Variants in ARHGEF12 observed in about 807,000 individuals in gnomAD.
ARHGEF12 encodes the protein KMT2A/ARHGEF12 fusion protein.
ARHGEF12 carries 66 observed loss-of-function variants against 211.2 expected under a neutral mutation model. The ratio of observed to expected loss-of-function variants is 0.31; its 90% confidence interval spans 0.26 to 0.38. ARHGEF12 has a LOEUF of 0.38. Ranked by LOEUF, ARHGEF12 falls within the 10% of genes least tolerant of loss-of-function variation. The pLI is 1.00. For missense variants in ARHGEF12, 1,429 were observed against 1,869.5 expected (o/e 0.76, Z 4.34); for synonymous variants, 592 against 638.4 (o/e 0.93, Z 1.09).
chr11:120,445,548 C>T, intron 16 of ARHGEF12, 84 bp downstream of exon 16: 1 of 1,311,196 alleles, frequency 7.6e-7, no homozygotes, highest in East Asian at 2.3e-5. Context: ...TTATCTGTCA[C>T]ATGGTGACTA....
At chr11:120,420,604 G>C in intron 4 of ARHGEF12, 149 bp from the exon 5 acceptor site, 1 of 615,900 alleles carries the variant, frequency 1.6e-6, no homozygotes, top group Non-Finnish European at 2.8e-6. Flanking sequence ...TGTTGATGGT[G>C]GTTAGTGTTC....
intron 4 of ARHGEF12, among the ~76,000 whole-genome samples, chr11:120,416,534 A>T (rs1591563105): frequency 6.6e-6 from 1 of 152,190 alleles, no homozygotes; most frequent in Non-Finnish European, 1.5e-5. Flanking sequence ...GCTGTCTCTC[A>T]TCTTCTAAAG....
chr11:120,365,761 C>T (rs1426286666), intron 1 of ARHGEF12: 1 of 152,128 alleles, frequency 6.6e-6, no homozygotes, highest in African/African-American at 2.4e-5. Flanking sequence ...GACTCCCCAA[C>T]CAGTTTATTT....
chr11:120,485,630 C>T lies in ARHGEF12; in HGVS notation c.*553C>T. The T allele has an allele frequency of 8.5e-6, 2 of 235,558 alleles. No individual in the cohort carries two copies. The highest frequency in any genetic ancestry group is 1.7e-5 in the Non-Finnish European group (2 of 119,342). 14.6% of individuals were successfully genotyped at this position (235,558 alleles called of 1,614,324 possible). On this transcript the variant is annotated 3_prime_UTR_variant, in exon 41 of 41. Transcript: ENST00000397843. ...AGACGGGGAAGGGAGGAGCACCTTGCTTCACTATACAGTATTCCAAGCTCT... is the reference window on the plus strand; with the variant it reads ...AGACGGGGAAGGGAGGAGCACCTTGTTTCACTATACAGTATTCCAAGCTCT...
At chr11:120,352,087 T>C (rs530596663) in intron 1 of ARHGEF12, among the ~76,000 whole-genome samples, 91 of 152,306 alleles carry the variant, frequency 6.0e-4, no homozygotes, top group African/African-American at 5.3e-4. Flanking sequence ...ATTAAAGAGT[T>C]GCCTTCACAT....
intron 1 of ARHGEF12, among the ~76,000 whole-genome samples, chr11:120,399,686 G>A (rs1192325994): frequency 6.6e-6 from 1 of 152,056 alleles, no homozygotes; most frequent in Admixed American, 6.5e-5. Context: ...TTGGCACACA[G>A]TAAGACATAT....
At chr11:120,371,218 G>T (rs928411909) in intron 1 of ARHGEF12, among the ~76,000 whole-genome samples, 1 of 152,198 alleles carries the variant, frequency 6.6e-6, no homozygotes, top group Non-Finnish European at 1.5e-5. Flanking sequence ...GCTGGGTGCG[G>T]TGGCTCATGC....
chr11:120,451,864 T>C, intron 22 of ARHGEF12, 140 bp downstream of exon 22: 1 of 777,490 alleles, frequency 1.3e-6, no homozygotes, highest in Non-Finnish European at 2.0e-6. Flanking sequence ...CTACAACCAA[T>C]AAGAAATCTA....
intron 4 of ARHGEF12, chr11:120,411,223 CT>C (rs1944871449): frequency 2.0e-5 from 3 of 152,256 alleles, no homozygotes; most frequent in Admixed American, 2.0e-4. Flanking sequence ...TTGGAAGGAA[CT>C]GAGTCCACAA....
At position 120,488,265 on chromosome 11, in the gene ARHGEF12, C is replaced by G. The variant is rs192116903; in HGVS notation, c.*3188C>G. The G allele has an allele frequency of 1.6e-3, 347 of 215,676 alleles. 1 individual carries two copies. The highest frequency in any genetic ancestry group is 7.3e-3 in the African/African-American group (324 of 44,478). The allele number at this position is 215,676 out of a possible 1,614,324, so 13.4% of individuals were successfully genotyped here. ...TATTTCAAAGTGGAAGCTTTCTTCT[C>G]TGAAGTCGATATATGGTTTTGAATT... On this transcript the variant is annotated 3_prime_UTR_variant, in exon 41 of 41. Transcript: ENST00000397843.
intron 11 of ARHGEF12, among the ~76,000 whole-genome samples, chr11:120,436,944 A>G (rs1187164743): frequency 6.6e-6 from 1 of 151,894 alleles, no homozygotes; most frequent in Non-Finnish European, 1.5e-5. Flanking sequence ...TTTAGCTTGG[A>G]TAGAAAGGAT....
intron 4 of ARHGEF12, among the ~76,000 whole-genome samples, chr11:120,420,095 T>C (rs545343020): frequency 2.0e-5 from 3 of 152,254 alleles, no homozygotes; most frequent in African/African-American, 7.2e-5. Context: ...ATGAAAGAGA[T>C]GAAGGAACTG....
intron 36 of ARHGEF12, 139 bp downstream of exon 36, chr11:120,477,665 G>A (rs978699735): frequency 1.5e-6 from 1 of 683,818 alleles, no homozygotes; most frequent in Non-Finnish European, 2.4e-6. Context: ...AGGAGTTAGA[G>A]GCCAACCTGA....
At chr11:120,347,266 CTG>C (rs1403212586) in intron 1 of ARHGEF12, among the ~76,000 whole-genome samples, 3,544 of 133,544 alleles carry the variant, frequency 0.027, 74 homozygotes, top group South Asian at 0.049. Flanking sequence ...CTCTCTCTCT[CTG>C]TCTGTGTGTG....
At chr11:120,388,794 T>C (rs1391405149) in intron 1 of ARHGEF12, among the ~76,000 whole-genome samples, 1 of 152,174 alleles carries the variant, frequency 6.6e-6, no homozygotes, top group East Asian at 1.9e-4. Context: ...TTGTTTTTAA[T>C]TGAGCTTTTA....
At position 120,481,363 on chromosome 11, in the gene ARHGEF12, T is replaced by C. The variant is rs1385142890; in HGVS notation, c.4341T>C (p.Ala1447=). 4.3e-6 allele frequency: 7 copies of C among 1,614,092 alleles called. No homozygotes were observed. The highest frequency in any genetic ancestry group is 1.3e-5 in the African/African-American group (1 of 74,936). ...TGCAGCCCATGACAGGCATCCCTGC[T>C]GTGGAATCCACCCACCAGCAGCAAC... ...LTLQPMTGIP[A]VESTHQQQHS... is the part of the protein sequence containing the mutation. The change falls in exon 39 of 41, where the codon GCT becomes GCC. Residue 1447 remains alanine, a synonymous_variant. Coordinates refer to ENST00000397843, the MANE Select transcript of ARHGEF12 (RefSeq NM_015313.3).
rs140386854 is a variant in ARHGEF12, at chr11:120,421,787, T to C, written c.299-16T>C. On this transcript the variant is annotated splice_polypyrimidine_tract_variant and intron_variant, in intron 5 of 40. Coordinates refer to ENST00000397843, the MANE Select transcript of ARHGEF12 (RefSeq NM_015313.3). Reference sequence around the variant, plus strand: ...TGCAAATGAATCACATTTTAAGCAATTAATTTCTCATACAGATGGAGCAGC... The same window carrying C: ...TGCAAATGAATCACATTTTAAGCAACTAATTTCTCATACAGATGGAGCAGC... 1,704 of 1,609,040 alleles carry C rather than the reference T, an allele frequency of 1.1e-3. 21 individuals carry two copies. In the Admixed American group the frequency reaches 0.022, roughly 21 times the overall value.
At chr11:120,348,784 C>A (rs553766546) in intron 1 of ARHGEF12, among the ~76,000 whole-genome samples, 2 of 151,758 alleles carry the variant, frequency 1.3e-5, no homozygotes, top group Non-Finnish European at 1.5e-5. Flanking sequence ...GAGGTTCAAG[C>A]GAGCCAAGAT....
At chr11:120,385,065 T>TAA (rs964105218) in intron 1 of ARHGEF12, among the ~76,000 whole-genome samples, 3 of 152,138 alleles carry the variant, frequency 2.0e-5, no homozygotes, top group Non-Finnish European at 1.5e-5. Context: ...TGTGGCTTTA[T>TAA]AATTGGATCT....
Sources: gnomAD v4.1 joint callset for allele counts (sites outside exome capture counted in the v4.1 genomes callset) on GRCh38, gnomAD v4.1.1 for gene constraint, MANE v1.5 for transcripts, NCBI Gene and HGNC (gene_info 2026-07-23, HGNC 2026-07-21) for gene names.